The following CYP2J2 variants were observed in gnomAD, a reference collection of about 807,000 sequenced individuals.
CYP2J2 encodes the protein cytochrome P450 2J2.
CYP2J2 carries 41 observed loss-of-function variants against 48.8 expected under a neutral mutation model. The observed-to-expected ratio is 0.84, with a 90% CI of 0.66 to 1.09. The LOEUF is 1.09. Among genes scored for constraint, CYP2J2 ranks in the 50% least tolerant of loss-of-function variants. The probability of loss-of-function intolerance (pLI) is 0.00; values close to 1 mark genes in which losing one functional copy is unlikely to be tolerated. For missense variants in CYP2J2, 644 were observed against 617.3 expected (o/e 1.04, Z -0.46); for synonymous variants, 221 against 227.1 (o/e 0.97, Z 0.24).
At chr1:59,959,553 T>G in the CYP2J2 span, among the ~76,000 whole-genome samples, 842 of 152,092 alleles carry the variant, frequency 5.5e-3, 5 homozygotes, top group Non-Finnish European at 9.0e-3. Flanking sequence ...ATGTGAGAGA[T>G]ATATATATAT....
intron 1 of CYP2J2, 132 bp from the exon 2 acceptor site, chr1:59,916,232 T>A (rs1334880453): frequency 6.2e-6 from 4 of 644,644 alleles, no homozygotes; most frequent in Non-Finnish European, 1.0e-5. Context: ...TACGTGTGTG[T>A]GTGTGTGTGT....
At chr1:59,930,858 G>A (rs1644599528), upstream of CYP2J2, among the ~76,000 whole-genome samples, 1 of 152,112 alleles carries the variant, frequency 6.6e-6, no homozygotes, top group South Asian at 2.1e-4. Context: ...ATGACCCTAG[G>A]CAGTAATTAG....
intron 7 of CYP2J2, among the ~76,000 whole-genome samples, chr1:59,902,197 C>A (rs1341773543): frequency 6.6e-6 from 1 of 152,070 alleles, no homozygotes; most frequent in African/African-American, 2.4e-5. Context: ...CTTTTGGAAG[C>A]CTTCCCTGAC....
the CYP2J2 span, among the ~76,000 whole-genome samples, chr1:59,947,848 T>C: frequency 6.6e-6 from 1 of 151,808 alleles, no homozygotes; most frequent in African/African-American, 2.4e-5. Flanking sequence ...TCTTGTGGGC[T>C]GGAATGCCCT....
the CYP2J2 span, among the ~76,000 whole-genome samples, chr1:59,942,764 G>A: frequency 6.6e-6 from 1 of 152,090 alleles, no homozygotes; most frequent in East Asian, 1.9e-4. Flanking sequence ...TTCAAGAAAT[G>A]TTTTTGGAAG....
intron 8 of CYP2J2, among the ~76,000 whole-genome samples, chr1:59,897,364 A>T (rs950763253): frequency 3.3e-5 from 5 of 152,238 alleles, no homozygotes; most frequent in African/African-American, 1.2e-4. Flanking sequence ...TCGCAAAACT[A>T]AACTTATCTC....
At chr1:59,927,372 CTT>C (rs954423121), upstream of CYP2J2, among the ~76,000 whole-genome samples, 2 of 152,094 alleles carry the variant, frequency 1.3e-5, no homozygotes, top group Non-Finnish European at 2.9e-5. Flanking sequence ...GAAGGAATGT[CTT>C]AGTTCCGATC....
the CYP2J2 span, among the ~76,000 whole-genome samples, chr1:59,966,674 A>G: frequency 1.3e-5 from 2 of 152,200 alleles, no homozygotes; most frequent in Non-Finnish European, 2.9e-5. Flanking sequence ...GCCAATTAAG[A>G]AAACAAAAAG....
chr1:59,968,863 G>C, the CYP2J2 span, among the ~76,000 whole-genome samples: 2 of 152,290 alleles, frequency 1.3e-5, no homozygotes, highest in East Asian at 1.9e-4. Context: ...GCGGACCCTC[G>C]CGGTGAGTGT....
At chr1:59,914,785 C>T (rs1229198792) in intron 2 of CYP2J2, among the ~76,000 whole-genome samples, 2 of 152,182 alleles carry the variant, frequency 1.3e-5, no homozygotes, top group African/African-American at 2.4e-5. Context: ...AGCCTGACAC[C>T]CGTGAAGGGT....
At chr1:59,901,237 A>G in intron 7 of CYP2J2, 134 bp from the exon 8 acceptor site, 1 of 835,816 alleles carries the variant, frequency 1.2e-6, no homozygotes, top group Non-Finnish European at 1.8e-6. Flanking sequence ...TGTGGTACAC[A>G]GTCTCCTGTG....
rs1397494135 is a variant in CYP2J2 at position 59,915,837 on chromosome 1, G to A, written c.373+101C>T. The A allele has an allele frequency of 2.6e-6, 3 of 1,163,458 alleles. No individual in the cohort carries two copies. In the East Asian group the frequency reaches 7.4e-5, roughly 29 times the overall value. The allele number at this position is 1,163,458 out of a possible 1,614,324, so 72.1% of individuals were successfully genotyped here. ...TGGCAGGAAGTTTATTATGGGGCTG[G>A]TTTCTAGGAGTGTTGGAAAATTACA... On this transcript the variant is annotated intron_variant, in intron 2 of 8. Coordinates refer to ENST00000371204, the MANE Select transcript of CYP2J2 (RefSeq NM_000775.4).
intron 4 of CYP2J2, among the ~76,000 whole-genome samples, chr1:59,910,772 T>C: frequency 6.6e-6 from 1 of 151,924 alleles, no homozygotes; most frequent in Non-Finnish European, 1.5e-5. Flanking sequence ...TCCCCCCAGC[T>C]CCCAGAAATG....
the CYP2J2 span, among the ~76,000 whole-genome samples, chr1:59,945,407 CATCTATCTATCTATCTATCT>C: frequency 2.0e-4 from 30 of 148,804 alleles, no homozygotes; most frequent in Admixed American, 3.3e-4. Context: ...CTCTTTCTGT[CATCTATCTATCTATCTATCT>C]ATCTATCTAT....
At chr1:59,919,257 T>A (rs771088967) in intron 1 of CYP2J2, among the ~76,000 whole-genome samples, 12 of 152,254 alleles carry the variant, frequency 7.9e-5, no homozygotes, top group Non-Finnish European at 1.2e-4. Flanking sequence ...TAAAGTCGTA[T>A]GTTTATGTCT....
chr1:59,945,335 A>G, the CYP2J2 span, among the ~76,000 whole-genome samples: 23 of 152,038 alleles, frequency 1.5e-4, no homozygotes, highest in African/African-American at 5.6e-4. Flanking sequence ...TTTGCTAACT[A>G]ATCTATCTTC....
At chr1:59,901,135 T>A (rs878876165) in intron 7 of CYP2J2, 32 bp from the exon 8 acceptor site, 2 of 1,603,712 alleles carry the variant, frequency 1.2e-6, no homozygotes, top group Admixed American at 3.3e-5. Context: ...CAGGCAAGGC[T>A]TGACCCATGA....
chr1:59,896,959 T>C (rs1396432025), intron 8 of CYP2J2, among the ~76,000 whole-genome samples: 2 of 152,252 alleles, frequency 1.3e-5, no homozygotes, highest in African/African-American at 2.4e-5. Flanking sequence ...TATTTTCCCA[T>C]GTAATTTAAT....
At chr1:59,957,292 T>C in the CYP2J2 span, among the ~76,000 whole-genome samples, 1 of 149,128 alleles carries the variant, frequency 6.7e-6, no homozygotes, top group Non-Finnish European at 1.5e-5. Flanking sequence ...TCCATTAACA[T>C]AGCAGAATCT....
Sources: gnomAD v4.1 joint callset for allele counts (sites outside exome capture counted in the v4.1 genomes callset) on GRCh38, gnomAD v4.1.1 for gene constraint, MANE v1.5 for transcripts, NCBI Gene and HGNC (gene_info 2026-07-23, HGNC 2026-07-21) for gene names.